HIVEP1: variants seen among roughly 807,000 people sequenced by gnomAD.
HIVEP1 encodes the protein zinc finger protein 40.
HIVEP1 carries 36 observed loss-of-function variants against 180.0 expected under a neutral mutation model. The ratio of observed to expected loss-of-function variants is 0.20; its 90% CI spans 0.15 to 0.26. The LOEUF (loss-of-function observed/expected upper bound fraction) is 0.26, where lower values mean the gene tolerates loss of function less well. Ranked by LOEUF, HIVEP1 falls within the 10% of genes least tolerant of loss-of-function variation. HIVEP1 has a pLI of 1.00. For missense variants in HIVEP1, 3,143 were observed against 3,268.7 expected, an observed-to-expected ratio of 0.96 and a Z score of 0.94; for synonymous variants, 1,239 against 1,239.0, an observed-to-expected ratio of 1.00 and a Z score of 0.00.
intron 3 of HIVEP1, among the ~76,000 whole-genome samples, chr6:12,089,928 G>T (rs1429683950): frequency 2.0e-5 from 3 of 152,070 alleles, no homozygotes; most frequent in Non-Finnish European, 2.9e-5. Context: ...TTTATACACA[G>T]ATATGTGTTA....
At position 12,163,922 on chromosome 6, in the gene HIVEP1, C is replaced by T; in HGVS notation, c.7618C>T (p.His2540Tyr). 6 of 1,614,144 alleles carry T rather than the reference C, an allele frequency of 3.7e-6. No individual in the cohort carries two copies. The highest frequency in any genetic ancestry group is 5.1e-6 in the Non-Finnish European group (6 of 1,180,028). Residue 2540 changes from histidine to tyrosine, a missense_variant, in exon 9 of 9, where the codon CAC becomes TAC. This residue lies in a region of HIVEP1 where 595 missense variants were observed against 602.2 expected (regional missense o/e 0.99). Coordinates refer to ENST00000379388, the MANE Select transcript of HIVEP1 (RefSeq NM_002114.4). ...ACAAAGCAGCCCCGCCCCTCAGGCA[C>T]ACATTCCAGGTCTCCAGATCTTGAA... Reference protein sequence around the residue: ...SSQSSPAPQAHIPGLQILNIA... With the variant: ...SSQSSPAPQAYIPGLQILNIA...
the HIVEP1 span, among the ~76,000 whole-genome samples, chr6:12,179,440 C>A: frequency 6.6e-6 from 1 of 152,302 alleles, no homozygotes; most frequent in South Asian, 2.1e-4. Context: ...TTCTGCATAA[C>A]CTCTGATTGG....
At chr6:12,059,621 A>G (rs961366504) in intron 2 of HIVEP1, among the ~76,000 whole-genome samples, 5 of 152,074 alleles carry the variant, frequency 3.3e-5, no homozygotes, top group Non-Finnish European at 7.4e-5. Context: ...CTCCTCGCCT[A>G]CTGTGCTGTT....
chr6:12,048,891 A>G (rs898415143), intron 2 of HIVEP1, among the ~76,000 whole-genome samples: 4 of 152,194 alleles, frequency 2.6e-5, no homozygotes, highest in African/African-American at 9.7e-5. Flanking sequence ...ATCAAGCCTC[A>G]GAGTGTTTAT....
At chr6:12,140,044 C>T (rs1399685388) in intron 7 of HIVEP1, among the ~76,000 whole-genome samples, 1 of 152,224 alleles carries the variant, frequency 6.6e-6, no homozygotes, top group East Asian at 1.9e-4. Flanking sequence ...TCAAGTGGGT[C>T]CCTGACCCCC....
At chr6:12,109,253 A>G (rs957916523) in intron 3 of HIVEP1, among the ~76,000 whole-genome samples, 2 of 152,196 alleles carry the variant, frequency 1.3e-5, no homozygotes, top group Non-Finnish European at 2.9e-5. Flanking sequence ...TCAGCCTCCC[A>G]AAGTGCTGGG....
At chr6:12,207,742 A>AAATTAATAATAATAAT in the HIVEP1 span, among the ~76,000 whole-genome samples, 1 of 138,176 alleles carries the variant, frequency 7.2e-6, no homozygotes, top group Non-Finnish European at 1.5e-5. Context: ...AGTCTCTACA[A>AAATTAATAATAATAAT]AATAATAATA....
chr6:12,166,070 C>A (rs1211238659), downstream of HIVEP1, among the ~76,000 whole-genome samples: 7 of 152,280 alleles, frequency 4.6e-5, no homozygotes, highest in African/African-American at 1.7e-4. Context: ...TCTGAGATAG[C>A]TTTGGAAAGA....
the HIVEP1 span, among the ~76,000 whole-genome samples, chr6:12,191,852 G>T: frequency 6.6e-6 from 1 of 152,116 alleles, no homozygotes; most frequent in Admixed American, 6.5e-5. Flanking sequence ...ATTTTGGCCT[G>T]TGCTTTTGTA....
downstream of HIVEP1, among the ~76,000 whole-genome samples, chr6:12,167,594 G>GT (rs1554161350): frequency 2.0e-5 from 2 of 97,776 alleles, no homozygotes; most frequent in African/African-American, 9.6e-5. Flanking sequence ...TATATTACAT[G>GT]TATATATACA....
chr6:12,124,704 C>T lies in HIVEP1; in HGVS notation c.4909C>T (p.Pro1637Ser). 1 of 1,614,142 alleles carries T rather than the reference C, an allele frequency of 6.2e-7. No individual in the cohort carries two copies. The highest frequency in any genetic ancestry group is 8.5e-7 in the Non-Finnish European group (1 of 1,180,006). The part of the protein sequence containing the change: ...VQKVPSSFML[P>S]IRLQSSVPAY... ...GAAGGTGCCATCATCATTCATGCTG[C>T]CCATACGCCTGCAGAGTAGTGTTCC... The change falls in exon 4 of 9, where the codon CCC becomes TCC. Residue 1637 changes from proline (P) to serine (S), a missense_variant. Transcript: ENST00000379388.
chr6:12,204,015 T>C, the HIVEP1 span, among the ~76,000 whole-genome samples: 2 of 151,904 alleles, frequency 1.3e-5, no homozygotes, highest in Admixed American at 6.6e-5. Flanking sequence ...AGGCGGAGGT[T>C]GCAGTGAGCT....
chr6:12,073,069 T>C (rs926965909), intron 2 of HIVEP1, among the ~76,000 whole-genome samples: 5 of 152,254 alleles, frequency 3.3e-5, no homozygotes, highest in Non-Finnish European at 7.3e-5. Context: ...CATCTGCATC[T>C]GAAGATTATC....
chr6:12,205,541 G>A, the HIVEP1 span, among the ~76,000 whole-genome samples: 26 of 151,986 alleles, frequency 1.7e-4, no homozygotes, highest in African/African-American at 4.6e-4. Context: ...TTAAGTCCTC[G>A]GGTCTTGGGC....
At chr6:12,142,853 A>G (rs1759133964) in intron 7 of HIVEP1, among the ~76,000 whole-genome samples, 1 of 152,226 alleles carries the variant, frequency 6.6e-6, no homozygotes, top group African/African-American at 2.4e-5. Context: ...CAATCTCTGA[A>G]TAGACTAATA....
the HIVEP1 span, among the ~76,000 whole-genome samples, chr6:12,205,820 T>G: frequency 1.3e-5 from 2 of 152,252 alleles, no homozygotes; most frequent in South Asian, 4.1e-4. Context: ...AGATCATAGA[T>G]GAACAGGTCA....
the HIVEP1 span, among the ~76,000 whole-genome samples, chr6:12,198,958 G>A: frequency 3.3e-5 from 5 of 152,298 alleles, no homozygotes; most frequent in East Asian, 1.9e-4. Context: ...AGAAGCTCTC[G>A]TGTTAACACA....
intron 2 of HIVEP1, among the ~76,000 whole-genome samples, chr6:12,037,288 C>T (rs995705623): frequency 6.6e-6 from 1 of 152,182 alleles, no homozygotes; most frequent in Non-Finnish European, 1.5e-5. Context: ...GCCACATTCT[C>T]ATAATTTTTG....
chr6:12,074,643 T>TGTGTGTGTGTGTGTGTATATGTGTGTGC (rs573970756), intron 2 of HIVEP1, among the ~76,000 whole-genome samples: 7 of 148,032 alleles, frequency 4.7e-5, no homozygotes, highest in Non-Finnish European at 8.9e-5. Context: ...TGTGTGTGTG[T>TGTGTGTGTGTGTGTGTATATGTGTGTGC]GCGCGCGCGT....
Sources: allele counts gnomAD v4.1 joint callset (sites outside exome capture counted in the v4.1 genomes callset), GRCh38; gene constraint gnomAD v4.1.1; regional missense constraint gnomAD v4.1.1; transcripts MANE v1.5; gene names NCBI Gene and HGNC (gene_info 2026-07-23, HGNC 2026-07-21).